SFMBT2: variants seen among roughly 807,000 people sequenced by gnomAD.
The protein encoded by SFMBT2 is Scm like with four mbt domains 2, also known as scm-like with four MBT domains protein 2.
In SFMBT2, 38 loss-of-function variants were observed where a neutral mutation model predicts 110.1. The observed-to-expected ratio is 0.35, with a 90% CI of 0.27 to 0.45. The LOEUF (loss-of-function observed/expected upper bound fraction) is 0.45. Among genes scored for constraint, SFMBT2 ranks in the 20% least tolerant of loss-of-function variants. The pLI is 1.00. For synonymous variants in SFMBT2, 425 were observed against 425.4 expected, an observed-to-expected ratio of 1.00 and a Z score of 0.01; for missense variants, 1,011 against 1,094.9, an observed-to-expected ratio of 0.92 and a Z score of 1.08.
chr10:7,399,320 C>T (rs1846010811), intron 1 of SFMBT2, among the ~76,000 whole-genome samples: 1 of 152,104 alleles, frequency 6.6e-6, no homozygotes, highest in Non-Finnish European at 1.5e-5. Context: ...GCAACCTCTG[C>T]CTCCTGGGTT....
Position 7,289,988 on chromosome 10 carries a change from A to G in SFMBT2, c.437-4034T>C, listed in dbSNP as rs1842214756. Among the ~76,000 whole-genome samples, 4 of 152,204 alleles carry G rather than the reference A, an allele frequency of 2.6e-5. No individual in the cohort carries two copies. The South Asian group carries it at 8.3e-4, about 31-fold the overall frequency. ...CAGCACGTCTCTCTTCCAAGACTCC[A>G]ACTCAGCACTCTCAGCTGTAAGCCA... On this transcript the variant is annotated intron_variant, in intron 4 of 20. Coordinates refer to ENST00000397167, the MANE Select transcript of SFMBT2 (RefSeq NM_001387889.1).
chr10:7,251,422 C>T (rs1012661969), intron 7 of SFMBT2, among the ~76,000 whole-genome samples: 4 of 151,772 alleles, frequency 2.6e-5, no homozygotes, highest in Non-Finnish European at 5.9e-5. Flanking sequence ...TGCAATGAGC[C>T]GAGATCACAC....
chr10:7,270,079 T>C lies in SFMBT2; in HGVS notation c.870+6813A>G, dbSNP rs1841532995. Among the ~76,000 whole-genome samples the C allele has an allele frequency of 3.3e-5, 5 of 152,106 alleles. No individual in the cohort carries two copies. The South Asian group carries it at 8.3e-4, about 25-fold the overall frequency. On this transcript the variant is annotated intron_variant, in intron 7 of 20. Transcript: ENST00000397167. ...TATTTGAAAATAGGGTCTTTGTAAC[T>C]GCAATTGAGTTAAGACAAAGTTGGA...
intron 4 of SFMBT2, among the ~76,000 whole-genome samples, chr10:7,364,414 T>C (rs1844825507): frequency 6.6e-6 from 1 of 152,228 alleles, no homozygotes. Flanking sequence ...ACAAATTTGA[T>C]GGTGTTTCTG....
intron 4 of SFMBT2, among the ~76,000 whole-genome samples, chr10:7,340,326 C>T (rs748617337): frequency 1.6e-4 from 24 of 151,952 alleles, no homozygotes; most frequent in Non-Finnish European, 2.5e-4. Context: ...CTTGCTGTCT[C>T]GTGGGTGGCA....
At chr10:7,266,478 G>A (rs1395398091) in intron 7 of SFMBT2, among the ~76,000 whole-genome samples, 1 of 152,192 alleles carries the variant, frequency 6.6e-6, no homozygotes, top group Non-Finnish European at 1.5e-5. Flanking sequence ...GGCAGACCAG[G>A]CATTATACAA....
intron 4 of SFMBT2, among the ~76,000 whole-genome samples, chr10:7,355,189 T>C (rs1003203923): frequency 3.3e-5 from 5 of 152,250 alleles, no homozygotes; most frequent in African/African-American, 9.6e-5. Context: ...AATGCTATTT[T>C]CCTTCTAAGT....
intron 7 of SFMBT2, among the ~76,000 whole-genome samples, chr10:7,270,098 AG>A (rs1841533382): frequency 1.3e-5 from 2 of 152,176 alleles, no homozygotes; most frequent in South Asian, 4.1e-4. Context: ...GTTAAGACAA[AG>A]TTGGATGGGA....
chr10:7,238,222 C>T (rs59663639), intron 9 of SFMBT2, among the ~76,000 whole-genome samples: 11 of 152,262 alleles, frequency 7.2e-5, no homozygotes, highest in Middle Eastern at 6.8e-3. Flanking sequence ...GACTCACTAG[C>T]GGCCTGAAAC....
intron 4 of SFMBT2, among the ~76,000 whole-genome samples, chr10:7,350,284 G>C (rs1189528030): frequency 6.6e-6 from 1 of 151,996 alleles, no homozygotes; most frequent in Non-Finnish European, 1.5e-5. Flanking sequence ...CCAATCACGA[G>C]GTCTGGGGCA....
At chr10:7,404,585 TG>T (rs1846163603) in intron 1 of SFMBT2, among the ~76,000 whole-genome samples, 1 of 152,222 alleles carries the variant, frequency 6.6e-6, no homozygotes, top group South Asian at 2.1e-4. Context: ...TAGGAAGCCC[TG>T]GATCTATCAA....
intron 16 of SFMBT2, among the ~76,000 whole-genome samples, chr10:7,177,859 T>TG (rs541643346): frequency 1.4e-5 from 2 of 146,062 alleles, no homozygotes; most frequent in East Asian, 4.0e-4. Context: ...CTCTGTCTCT[T>TG]AAAAAAAAAA....
At chr10:7,320,682 A>G (rs751432140) in intron 4 of SFMBT2, 37 of 908,096 alleles carry the variant, frequency 4.1e-5, no homozygotes, top group Non-Finnish European at 4.6e-5. Flanking sequence ...TCAGATGAAG[A>G]AAGTAAAGTT....
intron 12 of SFMBT2, chr10:7,202,739 T>C (rs1462091611): frequency 1.0e-6 from 1 of 985,354 alleles, no homozygotes; most frequent in African/African-American, 1.7e-5. Flanking sequence ...ACTTCGTTCA[T>C]TTAATCTTAT....
chr10:7,296,550 C>G (rs1220986095), intron 4 of SFMBT2, among the ~76,000 whole-genome samples: 1 of 152,176 alleles, frequency 6.6e-6, no homozygotes, highest in South Asian at 2.1e-4. Context: ...CCAATATTCC[C>G]GTTAGGTCTA....
Position 7,331,232 on chromosome 10 carries a change from C to T in SFMBT2, c.436+36417G>A, listed in dbSNP as rs577453815. Among the ~76,000 whole-genome samples the T allele has an allele frequency of 5.3e-5, 8 of 152,334 alleles. No homozygotes were observed. The South Asian group carries it at 8.3e-4, about 16-fold the overall frequency. On this transcript the variant is annotated intron_variant, in intron 4 of 20. Transcript: ENST00000397167. ...CCCATAGGCTAAGACCTTCTCTCTG[C>T]CTTTCATCACTCGATGGCACACACC...
At chr10:7,331,138 A>G (rs931526994) in intron 4 of SFMBT2, among the ~76,000 whole-genome samples, 2 of 152,236 alleles carry the variant, frequency 1.3e-5, no homozygotes, top group Non-Finnish European at 2.9e-5. Context: ...CAGCCTACCA[A>G]GGCTTCATTA....
chr10:7,406,165 T>C (rs1169385751), intron 1 of SFMBT2, among the ~76,000 whole-genome samples: 1 of 151,904 alleles, frequency 6.6e-6, no homozygotes, highest in African/African-American at 2.4e-5. Flanking sequence ...TAATAAAATA[T>C]AAAGAGAGAA....
At chr10:7,200,351 C>G in intron 14 of SFMBT2, 63 bp downstream of exon 14, 1 of 1,295,270 alleles carries the variant, frequency 7.7e-7, no homozygotes. Context: ...GAAACCTATA[C>G]ATGTCTCTGC....
Sources: gnomAD v4.1 joint callset for allele counts (sites outside exome capture counted in the v4.1 genomes callset) on GRCh38, gnomAD v4.1.1 for gene constraint, MANE v1.5 for transcripts, NCBI Gene and HGNC (gene_info 2026-07-23, HGNC 2026-07-21) for gene names.